The following ATP8A1 variants were observed in gnomAD, a reference collection of about 807,000 sequenced individuals.
ATP8A1 encodes ATPase phospholipid transporting 8A1.
In ATP8A1, 90 loss-of-function variants were observed where a neutral mutation model predicts 177.7. The ratio of observed to expected loss-of-function variants is 0.51; its 90% CI spans 0.43 to 0.60. The LOEUF is 0.60. Among genes scored for constraint, ATP8A1 ranks in the 20% least tolerant of loss-of-function variants. The pLI, the probability that ATP8A1 is intolerant of heterozygous loss-of-function variation, is 0.00. For missense variants in ATP8A1, 1,072 were observed against 1,392.8 expected (o/e 0.77, Z 3.67); for synonymous variants, 493 against 485.9 (o/e 1.01, Z -0.19).
chr4:42,550,637 T>G (rs1431477107), intron 18 of ATP8A1, among the ~76,000 whole-genome samples: 1 of 152,074 alleles, frequency 6.6e-6, no homozygotes, highest in Non-Finnish European at 1.5e-5. Flanking sequence ...CTTTAGAAAA[T>G]AAAAGAAAAA....
At chr4:42,431,174 A>T (rs1454363828) in intron 33 of ATP8A1, among the ~76,000 whole-genome samples, 2 of 152,196 alleles carry the variant, frequency 1.3e-5, no homozygotes, top group Non-Finnish European at 2.9e-5. Context: ...TTATTGAAAA[A>T]TTTTTATTAT....
rs140688267 is a variant in ATP8A1 at position 42,499,580 on chromosome 4, T to C, written c.2151+3870A>G. The stretch of plus-strand genomic sequence containing the variant: ...CCCTCCCACCCACTCTAGATTTAGA[T>C]GAAATTGTGGTGAAATCCTGAGCTA... On this transcript the variant is annotated intron_variant, in intron 24 of 36. Transcript: ENST00000381668. Among the ~76,000 whole-genome samples the C allele has an allele frequency of 5.3e-3, 810 of 152,340 alleles. 8 individuals are homozygous for C. The highest frequency in any genetic ancestry group is 0.017 in the African/African-American group (726 of 41,584).
At chr4:42,619,575 C>T (rs551548302) in intron 4 of ATP8A1, among the ~76,000 whole-genome samples, 69 of 151,528 alleles carry the variant, frequency 4.6e-4, no homozygotes, top group African/African-American at 1.6e-3. Flanking sequence ...ACCTTACCTG[C>T]AGGCAATTCT....
intron 32 of ATP8A1, 146 bp from the exon 33 acceptor site, chr4:42,443,818 T>TG (rs1403974854): frequency 1.3e-5 from 7 of 544,032 alleles, no homozygotes; most frequent in Admixed American, 3.3e-5. Flanking sequence ...ATTGTGTGTG[T>TG]TTTTTAATTG....
intron 15 of ATP8A1, chr4:42,561,371 C>T (rs1208026199): frequency 6.6e-6 from 1 of 152,156 alleles, no homozygotes; most frequent in Non-Finnish European, 1.5e-5. Context: ...GTGGACATGC[C>T]AATGGCTCAA....
intron 1 of ATP8A1, among the ~76,000 whole-genome samples, chr4:42,632,125 A>C (rs188595183): frequency 6.6e-6 from 1 of 152,308 alleles, no homozygotes; most frequent in Admixed American, 6.5e-5. Flanking sequence ...GAGGAATGGA[A>C]CTGAGCAAGG....
At chr4:42,576,918 C>T (rs1732520700) in intron 12 of ATP8A1, among the ~76,000 whole-genome samples, 1 of 152,146 alleles carries the variant, frequency 6.6e-6, no homozygotes, top group Non-Finnish European at 1.5e-5. Flanking sequence ...AGATATTTTG[C>T]AAGACTATCA....
At chr4:42,504,565 C>T (rs1229013356) in intron 23 of ATP8A1, among the ~76,000 whole-genome samples, 1 of 152,248 alleles carries the variant, frequency 6.6e-6, no homozygotes, top group Non-Finnish European at 1.5e-5. Flanking sequence ...CATTAAAACA[C>T]ATCAAGAAGC....
chr4:42,564,107 G>A (rs567171512), intron 15 of ATP8A1, among the ~76,000 whole-genome samples: 8 of 152,256 alleles, frequency 5.3e-5, no homozygotes, highest in African/African-American at 1.2e-4. Context: ...GTTGCGGGGC[G>A]GGGAAAATTG....
intron 16 of ATP8A1, among the ~76,000 whole-genome samples, chr4:42,553,919 G>A (rs1035312616): frequency 3.9e-5 from 6 of 152,052 alleles, no homozygotes; most frequent in African/African-American, 1.4e-4. Flanking sequence ...GAAGAATTGA[G>A]CAAAGTGCTT....
At chr4:42,459,004 A>C (rs960958466) in intron 27 of ATP8A1, among the ~76,000 whole-genome samples, 6 of 152,228 alleles carry the variant, frequency 3.9e-5, no homozygotes. Flanking sequence ...TATTGACATG[A>C]GCCATTAACA....
intron 25 of ATP8A1, among the ~76,000 whole-genome samples, chr4:42,475,354 T>G (rs1385305642): frequency 6.6e-6 from 1 of 152,114 alleles, no homozygotes; most frequent in Admixed American, 6.6e-5. Context: ...CTTACTTTGT[T>G]GCTCAGGCTG....
chr4:42,652,228 A>G (rs1195216195), intron 1 of ATP8A1, among the ~76,000 whole-genome samples: 1 of 152,182 alleles, frequency 6.6e-6, no homozygotes, highest in Admixed American at 6.5e-5. Context: ...TTTCTCAACC[A>G]GTCAAGCTCA....
chr4:42,479,315 C>T (rs1440445813), intron 25 of ATP8A1, among the ~76,000 whole-genome samples: 1 of 152,184 alleles, frequency 6.6e-6, no homozygotes, highest in Non-Finnish European at 1.5e-5. Flanking sequence ...AAAATATATG[C>T]CCCACCTTGC....
At chr4:42,463,270 C>G (rs1290559698) in intron 27 of ATP8A1, among the ~76,000 whole-genome samples, 1 of 152,084 alleles carries the variant, frequency 6.6e-6, no homozygotes, top group Non-Finnish European at 1.5e-5. Flanking sequence ...TGGGAGGGAC[C>G]CAGTGGGAGG....
At chr4:42,580,584 A>G (rs1222053357) in intron 10 of ATP8A1, among the ~76,000 whole-genome samples, 3 of 152,262 alleles carry the variant, frequency 2.0e-5, no homozygotes, top group Non-Finnish European at 4.4e-5. Context: ...TCCATAGAAC[A>G]GAAAATTAAA....
chr4:42,623,874 C>CTA (rs1252739075), intron 4 of ATP8A1, among the ~76,000 whole-genome samples: 4 of 152,136 alleles, frequency 2.6e-5, no homozygotes, highest in East Asian at 3.9e-4. Context: ...CCTTCTCTCT[C>CTA]TCTATATATA....
At position 42,536,022 on chromosome 4, in the gene ATP8A1, A is replaced by G. The variant is rs1228984923; in HGVS notation, c.1722+7895T>C. ...ACATCAAAAAGTCTGAAAGAGCACA[A>G]ACAGACAATCTAAGGTCACACCTCA... On this transcript the variant is annotated intron_variant, in intron 20 of 36. Coordinates refer to ENST00000381668, the MANE Select transcript of ATP8A1 (RefSeq NM_006095.2). 4.0e-5 allele frequency among the ~76,000 whole-genome samples: 6 copies of G among 151,814 alleles called. No homozygotes were observed. In the South Asian group the frequency reaches 8.3e-4, roughly 21 times the overall value.
intron 25 of ATP8A1, among the ~76,000 whole-genome samples, chr4:42,475,035 A>G (rs1357365478): frequency 6.6e-6 from 1 of 152,238 alleles, no homozygotes; most frequent in African/African-American, 2.4e-5. Flanking sequence ...TCTCAGAACA[A>G]TCCCATAAGT....
Sources: gnomAD v4.1 joint callset for allele counts (sites outside exome capture counted in the v4.1 genomes callset) on GRCh38, gnomAD v4.1.1 for gene constraint, MANE v1.5 for transcripts, NCBI Gene and HGNC (gene_info 2026-07-23, HGNC 2026-07-21) for gene names.